Variants in CCDC102A observed in about 807,000 individuals in gnomAD.
CCDC102A encodes the protein coiled-coil domain-containing protein 102A.
In CCDC102A, 40 loss-of-function variants were observed where a neutral mutation model predicts 55.5. The observed-to-expected ratio is 0.72, with a 90% CI of 0.56 to 0.94. The LOEUF (loss-of-function observed/expected upper bound fraction) is 0.94. CCDC102A is among the 40% of genes least tolerant of loss of function. CCDC102A has a pLI of 0.00. For missense variants in CCDC102A, 779 were observed against 768.6 expected, an observed-to-expected ratio of 1.01 and a Z score of -0.16; for synonymous variants, 323 against 339.0, an observed-to-expected ratio of 0.95 and a Z score of 0.52.
chr16:57,532,989 A>C (rs1184807098), intron 1 of CCDC102A, among the ~76,000 whole-genome samples: 3 of 152,180 alleles, frequency 2.0e-5, no homozygotes, highest in African/African-American at 7.2e-5. Flanking sequence ...GGGAGCTGCC[A>C]GGCCTGGCAC....
Position 57,515,375 on chromosome 16 carries a change from T to C in CCDC102A, c.1489A>G (p.Asn497Asp). The stretch of plus-strand genomic sequence containing the variant: ...AGGTGCTCCAGTTGCACTTGCAGGT[T>C]CTCGCTCTGCTCCGTCTGCTCGTCC... ...SLDEQTEQSE[N>D]LQVQLEHLQS... is the part of the protein sequence containing the mutation. Residue 497 changes from asparagine (N) to aspartate (D), a missense_variant, in exon 8 of 9, where the codon AAC becomes GAC. By Grantham distance (23) the Asn-to-Asp change is conservative. Transcript: ENST00000258214. The C allele has an allele frequency of 6.2e-7, 1 of 1,608,516 alleles. No homozygotes were observed. The highest frequency in any genetic ancestry group is 8.5e-7 in the Non-Finnish European group (1 of 1,178,376).
chr16:57,533,400 C>T lies in CCDC102A; in HGVS notation c.-148+3100G>A, dbSNP rs369419972. On this transcript the variant is annotated intron_variant, in intron 1 of 8. Transcript: ENST00000258214. ...AGGGCAGCCAGACCCTGCCTTGCAA[C>T]GCCTCCCCCTACCCTGCCCCACTCA... Among the ~76,000 whole-genome samples, 209 of 152,124 alleles carry T rather than the reference C, an allele frequency of 1.4e-3. 1 individual carries two copies. Among genetic ancestry groups the T allele is most frequent in the African/African-American group, 3.4e-3 (143 of 41,476 alleles).
chr16:57,516,188 T>C lies in CCDC102A; in HGVS notation c.1419+105A>G, dbSNP rs2031951421. 6 of 1,173,256 alleles carry C rather than the reference T, an allele frequency of 5.1e-6. No homozygotes were observed. Among genetic ancestry groups the C allele is most frequent in the Non-Finnish European group, 7.2e-6 (6 of 828,716 alleles). 72.7% of individuals were successfully genotyped at this position (1,173,256 alleles called of 1,614,324 possible). On this transcript the variant is annotated intron_variant, in intron 7 of 8. Transcript: ENST00000258214. The surrounding 1 kb of genome is among the most constrained non-coding windows in gnomAD (Gnocchi z 4.4). ...GGGCGACTCCTGAGAGACAGGCTTG[T>C]GCCAGGCACCAGGGGCTGAGAATGG... is the stretch of plus-strand genomic sequence containing the variant.
chr16:57,530,757 T>A lies in CCDC102A; in HGVS notation c.-147-1433A>T, dbSNP rs142302594. 5.3e-3 allele frequency among the ~76,000 whole-genome samples: 800 copies of A among 152,108 alleles called. 8 individuals are homozygous for A. Among genetic ancestry groups the A allele is most frequent in the African/African-American group, 0.018 (731 of 41,482 alleles). On this transcript the variant is annotated intron_variant, in intron 1 of 8. Coordinates refer to ENST00000258214, the MANE Select transcript of CCDC102A (RefSeq NM_033212.4). ...TCCAGGGGTCTTACCCCTGCTGAAG[T>A]GTCTCCTGACACCTTCTTCTCCCCT...
intron 1 of CCDC102A, among the ~76,000 whole-genome samples, chr16:57,533,504 G>A (rs530930438): frequency 2.1e-5 from 3 of 144,620 alleles, no homozygotes; most frequent in South Asian, 2.3e-4. Flanking sequence ...CCAGGGACCC[G>A]CACTCACACA....
chr16:57,516,719 A>G lies in CCDC102A; in HGVS notation c.1249-256T>C, dbSNP rs2031961349. The G allele has an allele frequency of 1.8e-6, 1 of 554,624 alleles. No individual in the cohort carries two copies. 34.4% of individuals were successfully genotyped at this position (554,624 alleles called of 1,614,324 possible). ...TCCGGTTTGGATGTGTAACTTTCAG[A>G]TGCTACTGGATCTACCCTGGAGCTG... On this transcript the variant is annotated intron_variant, in intron 6 of 8. Coordinates refer to ENST00000258214, the MANE Select transcript of CCDC102A (RefSeq NM_033212.4). This position sits in a 1 kb window ranked among gnomAD's most constrained non-coding sequence, Gnocchi z 4.4.
chr16:57,516,621 G>GTTTGGC lies in CCDC102A; in HGVS notation c.1249-164_1249-159dup. The GTTTGGC allele has an allele frequency of 1.5e-6, 1 of 667,292 alleles. No homozygotes were observed. The highest frequency in any genetic ancestry group is 1.8e-5 in the South Asian group (1 of 54,146). The allele number at this position is 667,292 out of a possible 1,614,324, so 41.3% of individuals were successfully genotyped here. On this transcript the variant is annotated intron_variant, in intron 6 of 8. Coordinates refer to ENST00000258214, the MANE Select transcript of CCDC102A (RefSeq NM_033212.4). This position sits in a 1 kb window ranked among gnomAD's most constrained non-coding sequence, Gnocchi z 4.4. ...GTTGTCTGAAGTATCAGCAGTAGAG[G>GTTTGGC]TTTGGCTGAGCAGCCAGAGGCTGGA...
chr16:57,518,673 G>A lies in CCDC102A; in HGVS notation c.990C>T (p.Leu330=), dbSNP rs1409288250. 1.1e-5 allele frequency: 17 copies of A among 1,613,626 alleles called. No individual in the cohort carries two copies. The highest frequency in any genetic ancestry group is 4.0e-5 in the African/African-American group (3 of 74,908). Residue 330 remains leucine (L), a synonymous_variant, in exon 5 of 9, where the codon CTC becomes CTT. Coordinates refer to ENST00000258214, the MANE Select transcript of CCDC102A (RefSeq NM_033212.4). ...TCCGGTCCATGCTGGAGCGTGCACC[G>A]AGCTCATCTTCCAGGTCCTCAGACA... ...GRMSEDLEDE[L]GARSSMDRKM...
intron 1 of CCDC102A, among the ~76,000 whole-genome samples, chr16:57,536,130 GC>G (rs1419056072): frequency 2.0e-5 from 3 of 152,042 alleles, no homozygotes; most frequent in Non-Finnish European, 4.4e-5. Flanking sequence ...ATTGGCCAGC[GC>G]CGCCCGTCCA....
rs768763159 is a variant in CCDC102A at position 57,526,053 on chromosome 16, C to T, written c.660G>A (p.Leu220=). ...ESEDCWEARS[L]GAGGPRGSSG... ...AGCTGCCCCGCGGGCCCCCAGCCCC[C>T]AGGCTGCGCGCCTCCCAGCAGTCCT... is the stretch of plus-strand genomic sequence containing the variant. Residue 220 remains leucine (L), a synonymous_variant, in exon 3 of 9, where the codon CTG becomes CTA. Coordinates refer to ENST00000258214, the MANE Select transcript of CCDC102A (RefSeq NM_033212.4). The T allele has an allele frequency of 3.1e-6, 5 of 1,592,688 alleles. No individual in the cohort carries two copies. In the African/African-American group the frequency reaches 4.0e-5, roughly 13 times the overall value.
At chr16:57,526,421 C>T (rs2032143389) in intron 2 of CCDC102A, among the ~76,000 whole-genome samples, 1 of 152,208 alleles carries the variant, frequency 6.6e-6, no homozygotes, top group African/African-American at 2.4e-5. Context: ...TACGGCGGGG[C>T]ACCGATGGGA....
chr16:57,526,242 C>T (rs931731506), intron 2 of CCDC102A, 115 bp from the exon 3 acceptor site: 3 of 713,942 alleles, frequency 4.2e-6, no homozygotes, highest in African/African-American at 1.8e-5. Context: ...GCCTCAGTTT[C>T]CTCTTCTGCT....
intron 8 of CCDC102A, among the ~76,000 whole-genome samples, chr16:57,513,641 G>A (rs1291310437): frequency 2.0e-5 from 3 of 152,372 alleles, no homozygotes; most frequent in South Asian, 2.1e-4. Context: ...CACTTCTGGA[G>A]TTTATGGCTC....
chr16:57,531,966 C>A (rs1413607340), intron 1 of CCDC102A, among the ~76,000 whole-genome samples: 1 of 152,178 alleles, frequency 6.6e-6, no homozygotes, highest in East Asian at 1.9e-4. Flanking sequence ...GCTCAGCGAC[C>A]CCGCTGCATT....
At chr16:57,522,349 T>G (rs1262322595) in intron 3 of CCDC102A, among the ~76,000 whole-genome samples, 1 of 152,174 alleles carries the variant, frequency 6.6e-6, no homozygotes, top group Non-Finnish European at 1.5e-5. Context: ...GCTCATATTG[T>G]GGGGAGGTGG....
At chr16:57,514,047 A>G (rs1311758395) in intron 8 of CCDC102A, among the ~76,000 whole-genome samples, 1 of 152,174 alleles carries the variant, frequency 6.6e-6, no homozygotes, top group South Asian at 2.1e-4. Flanking sequence ...CCCCCTAGGA[A>G]AAAACATCTT....
chr16:57,519,140 C>A (rs959619798), intron 4 of CCDC102A, among the ~76,000 whole-genome samples: 1 of 152,212 alleles, frequency 6.6e-6, no homozygotes, highest in Admixed American at 6.5e-5. Context: ...GACACCTACC[C>A]GCCGCTCCCC....
chr16:57,535,878 G>C (rs1254465744), intron 1 of CCDC102A, among the ~76,000 whole-genome samples: 2 of 152,110 alleles, frequency 1.3e-5, no homozygotes, highest in African/African-American at 4.8e-5. Flanking sequence ...TGGGAGAGCG[G>C]GGGTGGGAAG....
At position 57,512,417 on chromosome 16, in the gene CCDC102A, C is replaced by T. The variant is rs2031878195; in HGVS notation, c.*324G>A. On this transcript the variant is annotated 3_prime_UTR_variant, in exon 9 of 9. Coordinates refer to ENST00000258214, the MANE Select transcript of CCDC102A (RefSeq NM_033212.4). ...CAACAACTGCCCCCAACATGCCCAG[C>T]CCTGCATGAAGTCCTGGGTGGGTGA... is the stretch of plus-strand genomic sequence containing the variant. 2 of 401,720 alleles carry T rather than the reference C, an allele frequency of 5.0e-6. No homozygotes were observed. Among genetic ancestry groups the T allele is most frequent in the Non-Finnish European group, 8.8e-6 (2 of 228,188 alleles). 24.9% of individuals were successfully genotyped at this position (401,720 alleles called of 1,614,324 possible).
Sources: gnomAD v4.1 joint callset for allele counts (sites outside exome capture counted in the v4.1 genomes callset) on GRCh38, gnomAD v4.1.1 for gene constraint, Gnocchi (gnomAD v3.1) non-coding constraint, MANE v1.5 for transcripts, NCBI Gene and HGNC (gene_info 2026-07-23, HGNC 2026-07-21) for gene names.